RBFOX1: variants seen among roughly 807,000 people sequenced by gnomAD.
RBFOX1 encodes RNA binding fox-1 homolog 1.
In RBFOX1, 8 loss-of-function variants were observed where a neutral mutation model predicts 57.7. The observed-to-expected ratio is 0.14, with a 90% confidence interval of 0.08 to 0.25. The LOEUF is 0.25. Ranked by LOEUF, RBFOX1 falls within the 10% of genes least tolerant of loss-of-function variation. The pLI is 1.00. For missense variants in RBFOX1, 611 were observed against 548.5 expected (o/e 1.11, Z -1.14); for synonymous variants, 326 against 222.4 (o/e 1.47, Z -4.15).
At chr16:7,595,879 G>C (rs985346083) in intron 8 of RBFOX1, among the ~76,000 whole-genome samples, 3 of 150,638 alleles carry the variant, frequency 2.0e-5, no homozygotes, top group African/African-American at 7.3e-5. Context: ...TGAGACAAAA[G>C]AAAGGTTAAT....
intron 5 of RBFOX1, among the ~76,000 whole-genome samples, chr16:7,557,409 C>G (rs1035547128): frequency 6.6e-6 from 1 of 151,950 alleles, no homozygotes; most frequent in African/African-American, 2.4e-5. Context: ...CACTTGAGAT[C>G]AAGAATTCCA....
At chr16:5,267,084 T>C (rs2062877808) in intron 1 of RBFOX1, among the ~76,000 whole-genome samples, 1 of 150,364 alleles carries the variant, frequency 6.7e-6, no homozygotes, top group Non-Finnish European at 1.5e-5. Flanking sequence ...AGGAGTGTGT[T>C]GTGTACATCT....
At chr16:7,480,023 C>G (rs1328154743) in intron 4 of RBFOX1, among the ~76,000 whole-genome samples, 2 of 152,146 alleles carry the variant, frequency 1.3e-5, no homozygotes, top group Non-Finnish European at 2.9e-5. Context: ...TGTTCCCCAC[C>G]GATGTCCATG....
intron 3 of RBFOX1, among the ~76,000 whole-genome samples, chr16:5,811,363 G>A (rs1249173871): frequency 2.0e-5 from 3 of 151,554 alleles, no homozygotes; most frequent in Non-Finnish European, 2.9e-5. Flanking sequence ...GGCTGGTGTT[G>A]AACTCCTGAC....
chr16:7,568,574 T>A (rs949540777), intron 5 of RBFOX1, among the ~76,000 whole-genome samples: 3 of 152,260 alleles, frequency 2.0e-5, no homozygotes, highest in East Asian at 1.9e-4. Context: ...TGACCTCTTA[T>A]CTCATCCTGT....
intron 1 of RBFOX1, among the ~76,000 whole-genome samples, chr16:5,290,080 T>G (rs1046565861): frequency 4.6e-5 from 7 of 152,214 alleles, no homozygotes; most frequent in Admixed American, 4.6e-4. Flanking sequence ...ACAACACGGA[T>G]GAACCATGAG....
At chr16:5,243,096 C>T (rs113745747) in intron 1 of RBFOX1, among the ~76,000 whole-genome samples, 6,211 of 152,164 alleles carry the variant, frequency 0.041, 278 homozygotes, top group African/African-American at 0.11. Flanking sequence ...GCCTAGAAAA[C>T]CTAGCCCTCC....
chr16:6,378,926 A>C (rs995074514), intron 2 of RBFOX1, among the ~76,000 whole-genome samples: 2 of 152,152 alleles, frequency 1.3e-5, no homozygotes, highest in African/African-American at 4.8e-5. Context: ...AATTGGTAGC[A>C]CTGATCTTGT....
At chr16:6,412,442 C>T (rs1400193634) in intron 2 of RBFOX1, among the ~76,000 whole-genome samples, 2 of 152,126 alleles carry the variant, frequency 1.3e-5, no homozygotes, top group Non-Finnish European at 2.9e-5. Context: ...TTGTTCAATT[C>T]ACACTATTCA....
chr16:5,801,124 G>C (rs1467349927), intron 3 of RBFOX1, among the ~76,000 whole-genome samples: 1 of 152,160 alleles, frequency 6.6e-6, no homozygotes, highest in Non-Finnish European at 1.5e-5. Context: ...GGAAGTTCCT[G>C]GGCGCATGTG....
At chr16:6,801,314 TGA>T (rs906457666) in intron 3 of RBFOX1, among the ~76,000 whole-genome samples, 2 of 152,050 alleles carry the variant, frequency 1.3e-5, no homozygotes, top group East Asian at 1.9e-4. Flanking sequence ...GATCTACAGT[TGA>T]GAGAGAACCA....
chr16:7,701,739 G>A (rs1450195270), intron 14 of RBFOX1, among the ~76,000 whole-genome samples: 2 of 151,834 alleles, frequency 1.3e-5, no homozygotes, highest in African/African-American at 4.8e-5. Context: ...GAAGGCTATA[G>A]TAACCACAGA....
chr16:6,973,558 G>A (rs952243629), intron 3 of RBFOX1, among the ~76,000 whole-genome samples: 2 of 152,106 alleles, frequency 1.3e-5, no homozygotes, highest in Non-Finnish European at 2.9e-5. Flanking sequence ...TGGAGAGTCT[G>A]TTTATTTCTT....
intron 4 of RBFOX1, among the ~76,000 whole-genome samples, chr16:7,393,537 G>T (rs551455604): frequency 6.6e-6 from 1 of 152,140 alleles, no homozygotes; most frequent in African/African-American, 2.4e-5. Flanking sequence ...GGGTGCAAGT[G>T]GTGAATTGAA....
intron 1 of RBFOX1, among the ~76,000 whole-genome samples, chr16:5,374,614 C>T (rs1050411258): frequency 1.3e-5 from 2 of 151,784 alleles, no homozygotes; most frequent in African/African-American, 4.8e-5. Flanking sequence ...GGGGGATGAG[C>T]TTGGACTTAA....
At chr16:5,531,700 G>A (rs1378455310) in intron 2 of RBFOX1, among the ~76,000 whole-genome samples, 1 of 152,178 alleles carries the variant, frequency 6.6e-6, no homozygotes, top group African/African-American at 2.4e-5. Flanking sequence ...TCAAAGCAGT[G>A]CCTGGCACAT....
chr16:5,686,194 G>C (rs2050500381), intron 3 of RBFOX1, among the ~76,000 whole-genome samples: 1 of 152,180 alleles, frequency 6.6e-6, no homozygotes, highest in Non-Finnish European at 1.5e-5. Flanking sequence ...AATGTATCAA[G>C]AGGAAGATAC....
At chr16:5,424,912 T>TC (rs1240435018) in intron 1 of RBFOX1, among the ~76,000 whole-genome samples, 20 of 119,958 alleles carry the variant, frequency 1.7e-4, no homozygotes, top group African/African-American at 3.0e-4. Context: ...TCTTTCTTTC[T>TC]TTCTTTCTTT....
chr16:5,965,567 GA>G (rs1466385470), intron 4 of RBFOX1, among the ~76,000 whole-genome samples: 1 of 152,130 alleles, frequency 6.6e-6, no homozygotes, highest in Non-Finnish European at 1.5e-5. Flanking sequence ...TGTCACATAA[GA>G]AGCAGGTGGA....
Sources: gnomAD v4.1 joint callset for allele counts (sites outside exome capture counted in the v4.1 genomes callset) on GRCh38, gnomAD v4.1.1 for gene constraint, MANE v1.5 for transcripts, NCBI Gene and HGNC (gene_info 2026-07-23, HGNC 2026-07-21) for gene names.